The following TMEM108 variants were observed in gnomAD, a reference collection of about 807,000 sequenced individuals.
The protein encoded by TMEM108 is transmembrane protein 108, also known as cancer/testis antigen 124.
Under a neutral mutation model 35.1 loss-of-function variants are expected in TMEM108, and 12 were observed. That is an observed-to-expected ratio of 0.34 (90% CI 0.22 to 0.55). TMEM108 has a LOEUF of 0.55. Among genes scored for constraint, TMEM108 ranks in the 20% least tolerant of loss-of-function variants. The probability of loss-of-function intolerance (pLI) is 0.89; values close to 1 mark genes in which losing one functional copy is unlikely to be tolerated. For missense variants in TMEM108, 680 were observed against 753.3 expected, an observed-to-expected ratio of 0.90 and a Z score of 1.14; for synonymous variants, 287 against 308.6, an observed-to-expected ratio of 0.93 and a Z score of 0.73.
Position 133,245,351 on chromosome 3 carries a change from C to A in TMEM108, c.40+16000C>A, listed in dbSNP as rs376338991. Among the ~76,000 whole-genome samples the A allele has an allele frequency of 2.2e-4, 34 of 152,310 alleles. No individual in the cohort carries two copies. The South Asian group carries it at 6.2e-3, about 28-fold the overall frequency. On this transcript the variant is annotated intron_variant, in intron 3 of 5. Transcript: ENST00000321871. ...CAGTCACACTGATGTTCTTTTCCTT[C>A]TTCAAGCACTTCAACTTATTCCTTG...
rs1244405296 is a variant in TMEM108, at chr3:133,346,895, A to G, written c.41-32857A>G. On this transcript the variant is annotated intron_variant, in intron 3 of 5. Coordinates refer to ENST00000321871, the MANE Select transcript of TMEM108 (RefSeq NM_023943.4). The surrounding 1 kb of genome is among the most constrained non-coding windows in gnomAD (Gnocchi z 4.0). ...TGTCCTGGCACCGTTTATTGAACAA[A>G]CAGTCCTTTCTCCATTGAATTGCCT... 6.6e-6 allele frequency among the ~76,000 whole-genome samples: 1 copy of G among 152,138 alleles called. No individual in the cohort carries two copies. Among genetic ancestry groups the G allele is most frequent in the African/African-American group, 2.4e-5 (1 of 41,452 alleles).
At chr3:133,159,481 C>G (rs1944930171) in intron 2 of TMEM108, among the ~76,000 whole-genome samples, 2 of 152,140 alleles carry the variant, frequency 1.3e-5, no homozygotes, top group African/African-American at 4.8e-5. Flanking sequence ...TCTTTGAGGG[C>G]TCTTGCACCT....
chr3:133,329,964 G>A (rs1252509396), intron 3 of TMEM108, among the ~76,000 whole-genome samples: 1 of 152,080 alleles, frequency 6.6e-6, no homozygotes, highest in African/African-American at 2.4e-5. Context: ...ATGCAATACA[G>A]GTTCTCCAAG....
chr3:133,168,858 C>G (rs896968885), intron 2 of TMEM108, among the ~76,000 whole-genome samples: 3 of 152,106 alleles, frequency 2.0e-5, no homozygotes, highest in African/African-American at 7.2e-5. Flanking sequence ...CTGAGGCCAG[C>G]GAGACCACAA....
intron 3 of TMEM108, among the ~76,000 whole-genome samples, chr3:133,311,533 A>C (rs534549388): frequency 1.7e-4 from 26 of 152,278 alleles, no homozygotes; most frequent in African/African-American, 6.0e-4. Flanking sequence ...TGTGTCACAA[A>C]GTTCTCGTGC....
At chr3:133,194,144 T>G (rs950576343) in intron 2 of TMEM108, among the ~76,000 whole-genome samples, 1 of 151,924 alleles carries the variant, frequency 6.6e-6, no homozygotes, top group African/African-American at 2.4e-5. Flanking sequence ...ACCATATTGG[T>G]CAGGCTAGTC....
intron 3 of TMEM108, among the ~76,000 whole-genome samples, chr3:133,348,287 G>A (rs2071882929): frequency 6.6e-6 from 1 of 152,088 alleles, no homozygotes; most frequent in Non-Finnish European, 1.5e-5. Flanking sequence ...AATAAAGGTA[G>A]CAGTTCAAAA....
intron 5 of TMEM108, among the ~76,000 whole-genome samples, chr3:133,391,432 A>C (rs1201671): frequency 6.6e-6 from 1 of 151,924 alleles, no homozygotes; most frequent in Non-Finnish European, 1.5e-5. Flanking sequence ...AGAGCAGCCA[A>C]GGTGAGCTTT....
At chr3:133,206,248 T>A (rs953074871) in intron 2 of TMEM108, among the ~76,000 whole-genome samples, 3 of 152,202 alleles carry the variant, frequency 2.0e-5, no homozygotes, top group African/African-American at 7.2e-5. Flanking sequence ...TAGAACATGC[T>A]CCTTTAGCTC....
chr3:133,127,379 C>T (rs978903121), intron 2 of TMEM108, among the ~76,000 whole-genome samples: 3 of 152,204 alleles, frequency 2.0e-5, no homozygotes, highest in African/African-American at 7.2e-5. Context: ...TTTCTCTAGC[C>T]TTTTCCTTCA....
At chr3:133,116,982 C>T (rs1339425270) in intron 2 of TMEM108, among the ~76,000 whole-genome samples, 2 of 152,140 alleles carry the variant, frequency 1.3e-5, no homozygotes, top group African/African-American at 4.8e-5. Flanking sequence ...GTTGGCCAGG[C>T]TAGTCTCCAA....
At chr3:133,270,587 C>T (rs954231175) in intron 3 of TMEM108, among the ~76,000 whole-genome samples, 37 of 152,254 alleles carry the variant, frequency 2.4e-4, no homozygotes, top group African/African-American at 8.7e-4. Context: ...GGGAAGAAGA[C>T]TGGAGGCTAC....
intron 3 of TMEM108, among the ~76,000 whole-genome samples, chr3:133,251,649 A>G (rs1946473249): frequency 6.6e-6 from 1 of 152,136 alleles, no homozygotes; most frequent in Admixed American, 6.6e-5. Flanking sequence ...GAGATATTGG[A>G]TAGGTATCCT....
At chr3:133,070,099 C>G (rs975955343) in intron 2 of TMEM108, among the ~76,000 whole-genome samples, 1 of 152,090 alleles carries the variant, frequency 6.6e-6, no homozygotes, top group African/African-American at 2.4e-5. Flanking sequence ...GCACTTGTTT[C>G]TTTTCCTGCT....
At chr3:133,358,167 GT>G (rs1189313837) in intron 3 of TMEM108, among the ~76,000 whole-genome samples, 17 of 60,762 alleles carry the variant, frequency 2.8e-4, no homozygotes, top group African/African-American at 9.3e-4. Context: ...GGAGTCTATG[GT>G]CTTTTTTTTT....
chr3:133,144,875 C>T (rs1426318003), intron 2 of TMEM108, among the ~76,000 whole-genome samples: 1 of 152,106 alleles, frequency 6.6e-6, no homozygotes, highest in African/African-American at 2.4e-5. Context: ...AGCCCTTTGT[C>T]AGATGGATAG....
intron 3 of TMEM108, among the ~76,000 whole-genome samples, chr3:133,357,145 G>C (rs2072196794): frequency 6.6e-6 from 1 of 152,060 alleles, no homozygotes. Context: ...TTTCTCAAAA[G>C]AAGATATACA....
At chr3:133,294,511 A>C (rs1374066517) in intron 3 of TMEM108, among the ~76,000 whole-genome samples, 1 of 152,224 alleles carries the variant, frequency 6.6e-6, no homozygotes, top group Admixed American at 6.5e-5. Context: ...TTTAATTTAA[A>C]TACCAATATA....
At chr3:133,309,826 A>G (rs1559900309) in intron 3 of TMEM108, among the ~76,000 whole-genome samples, 2 of 149,092 alleles carry the variant, frequency 1.3e-5, no homozygotes, top group African/African-American at 2.5e-5. Context: ...TCAGCCTCCC[A>G]AGTAGCTGGG....
Sources: gnomAD v4.1 joint callset for allele counts (sites outside exome capture counted in the v4.1 genomes callset) on GRCh38, gnomAD v4.1.1 for gene constraint, Gnocchi (gnomAD v3.1) non-coding constraint, MANE v1.5 for transcripts, NCBI Gene and HGNC (gene_info 2026-07-23, HGNC 2026-07-21) for gene names.